The following GMDS variants were observed in gnomAD, a reference collection of about 807,000 sequenced individuals.
GMDS encodes the protein GDP-mannose 4,6 dehydratase.
Under a neutral mutation model 49.9 loss-of-function variants are expected in GMDS, and 20 were observed. That is an observed-to-expected ratio of 0.40 (90% confidence interval 0.28 to 0.58). The LOEUF is 0.58. GMDS is among the 20% of genes least tolerant of loss of function. The pLI is 0.42. For synonymous variants in GMDS, 177 were observed against 178.6 expected, an observed-to-expected ratio of 0.99 and a Z score of 0.07; for missense variants, 362 against 481.4, an observed-to-expected ratio of 0.75 and a Z score of 2.32.
intron 1 of GMDS, among the ~76,000 whole-genome samples, chr6:2,205,027 T>C (rs947737302): frequency 6.6e-6 from 1 of 152,206 alleles, no homozygotes; most frequent in Non-Finnish European, 1.5e-5. Flanking sequence ...GTCTAAAGTT[T>C]TACAAAGAAA....
chr6:2,023,840 GAA>G (rs1362114739), intron 4 of GMDS, among the ~76,000 whole-genome samples: 1 of 152,192 alleles, frequency 6.6e-6, no homozygotes, highest in Admixed American at 6.5e-5. Context: ...TAAAGATATG[GAA>G]GAGAGGCTGA....
chr6:1,830,493 C>A (rs1771305181), intron 7 of GMDS, among the ~76,000 whole-genome samples: 1 of 152,116 alleles, frequency 6.6e-6, no homozygotes, highest in Non-Finnish European at 1.5e-5. Flanking sequence ...TATAACCAAC[C>A]ACAGAGGATA....
chr6:2,072,605 C>A (rs781525394), intron 4 of GMDS, among the ~76,000 whole-genome samples: 2 of 152,106 alleles, frequency 1.3e-5, no homozygotes, highest in Non-Finnish European at 2.9e-5. Context: ...GGCTGTCATC[C>A]AAAACCAATC....
At chr6:2,225,581 T>C (rs1780779221) in intron 1 of GMDS, among the ~76,000 whole-genome samples, 1 of 152,170 alleles carries the variant, frequency 6.6e-6, no homozygotes, top group African/African-American at 2.4e-5. Context: ...TTGCCAACCC[T>C]TAGATTTTCC....
rs182039792 is a variant in GMDS at position 1,945,094 on chromosome 6, T to C, written c.643+14773A>G. ...AACAAGCACAATTAGAAATAAAGGA[T>C]GACTTCTAAGAATTGTGTGCCAGTC... On this transcript the variant is annotated intron_variant, in intron 6 of 10. Coordinates refer to ENST00000380815, the MANE Select transcript of GMDS (RefSeq NM_001500.4). 6.6e-4 allele frequency among the ~76,000 whole-genome samples: 100 copies of C among 152,300 alleles called. 1 individual carries two copies. Among genetic ancestry groups the C allele is most frequent in the Non-Finnish European group, 1.9e-4 (13 of 68,016 alleles).
chr6:2,179,248 G>C (rs546423110), intron 1 of GMDS, among the ~76,000 whole-genome samples: 46 of 152,128 alleles, frequency 3.0e-4, no homozygotes, highest in African/African-American at 1.1e-3. Flanking sequence ...CTTAAAACTT[G>C]ATTTCAAGAA....
At chr6:1,924,197 T>TA (rs1204785400) in intron 7 of GMDS, among the ~76,000 whole-genome samples, 1 of 152,256 alleles carries the variant, frequency 6.6e-6, no homozygotes, top group Non-Finnish European at 1.5e-5. Context: ...ATTTGGCAAT[T>TA]ACGTTTATTT....
intron 7 of GMDS, among the ~76,000 whole-genome samples, chr6:1,886,515 T>C (rs992531663): frequency 6.6e-6 from 1 of 152,222 alleles, no homozygotes; most frequent in Non-Finnish European, 1.5e-5. Context: ...AATAGACTAC[T>C]AGAATTACTA....
intron 7 of GMDS, among the ~76,000 whole-genome samples, chr6:1,887,247 G>A (rs1231127227): frequency 6.7e-6 from 1 of 150,324 alleles, no homozygotes; most frequent in Non-Finnish European, 1.5e-5. Flanking sequence ...TACTTGGAGA[G>A]GTTTACAAAA....
intron 7 of GMDS, among the ~76,000 whole-genome samples, chr6:1,806,461 C>CAA (rs1770182077): frequency 6.6e-6 from 1 of 151,826 alleles, no homozygotes; most frequent in Admixed American, 6.6e-5. Flanking sequence ...CACACACACA[C>CAA]ACACACACAC....
intron 4 of GMDS, among the ~76,000 whole-genome samples, chr6:2,096,469 C>T (rs553420625): frequency 4.6e-5 from 7 of 151,964 alleles, no homozygotes; most frequent in South Asian, 2.1e-4. Context: ...AAACATTCAC[C>T]GTGTCTATTT....
chr6:1,690,073 C>T (rs898432181), intron 9 of GMDS, among the ~76,000 whole-genome samples: 4 of 152,140 alleles, frequency 2.6e-5, no homozygotes, highest in African/African-American at 4.8e-5. Context: ...TCACTGCACT[C>T]CAGCCTGGGA....
intron 7 of GMDS, among the ~76,000 whole-genome samples, chr6:1,895,985 C>T (rs1218899486): frequency 3.3e-5 from 5 of 152,122 alleles, no homozygotes; most frequent in Admixed American, 1.3e-4. Flanking sequence ...AGTGATTCAT[C>T]GTTCCTGACC....
chr6:2,032,294 A>G (rs1281182202), intron 4 of GMDS, among the ~76,000 whole-genome samples: 2 of 152,184 alleles, frequency 1.3e-5, no homozygotes, highest in African/African-American at 2.4e-5. Flanking sequence ...CAGGTCAAGG[A>G]TGCCTTAAGA....
At chr6:1,816,623 A>G (rs1337593499) in intron 7 of GMDS, among the ~76,000 whole-genome samples, 1 of 152,246 alleles carries the variant, frequency 6.6e-6, no homozygotes, top group Non-Finnish European at 1.5e-5. Context: ...CTCATATAAA[A>G]GTAATATATT....
At chr6:2,231,694 A>G (rs577003769) in intron 1 of GMDS, among the ~76,000 whole-genome samples, 1 of 152,368 alleles carries the variant, frequency 6.6e-6, no homozygotes, top group Non-Finnish European at 1.5e-5. Context: ...TACCAGGAAG[A>G]ATGAAGTATT....
At chr6:1,853,929 T>C (rs1005838216) in intron 7 of GMDS, among the ~76,000 whole-genome samples, 1 of 152,212 alleles carries the variant, frequency 6.6e-6, no homozygotes, top group Non-Finnish European at 1.5e-5. Flanking sequence ...TTCCCCTCCA[T>C]GGTCCTTTAG....
intron 4 of GMDS, among the ~76,000 whole-genome samples, chr6:2,005,017 G>C (rs971856426): frequency 6.9e-4 from 105 of 152,250 alleles, no homozygotes; most frequent in Non-Finnish European, 5.6e-4. Flanking sequence ...ACAGTTTATA[G>C]GTAAGTCAGA....
intron 7 of GMDS, among the ~76,000 whole-genome samples, chr6:1,743,490 C>G (rs1297190840): frequency 1.4e-5 from 2 of 143,300 alleles, no homozygotes; most frequent in Non-Finnish European, 3.0e-5. Flanking sequence ...TTGCAGGGAG[C>G]CGAGATCGCG....
Sources: allele counts gnomAD v4.1 joint callset (sites outside exome capture counted in the v4.1 genomes callset), GRCh38; gene constraint gnomAD v4.1.1; transcripts MANE v1.5; gene names NCBI Gene and HGNC (gene_info 2026-07-23, HGNC 2026-07-21).